FAM149A: variants seen among roughly 807,000 people sequenced by gnomAD.
FAM149A encodes the protein protein FAM149A.
A neutral mutation model predicts 78.2 loss-of-function variants in FAM149A; 71 were observed. That is an observed-to-expected ratio of 0.91 (90% confidence interval 0.75 to 1.11). The LOEUF is 1.11. Among genes scored for constraint, FAM149A ranks in the 50% least tolerant of loss-of-function variants. FAM149A has a pLI of 0.00. For synonymous variants in FAM149A, 446 were observed against 410.5 expected (o/e 1.09, Z -1.04); for missense variants, 1,036 against 971.0 (o/e 1.07, Z -0.89).
intron 8 of FAM149A, chr4:186,158,507 T>C: frequency 2.0e-6 from 2 of 1,009,402 alleles, no homozygotes; most frequent in Non-Finnish European, 2.4e-6. Flanking sequence ...CCTGAAGAGA[T>C]TGAGGTGGAA....
intron 8 of FAM149A, among the ~76,000 whole-genome samples, chr4:186,160,025 C>CCAA (rs1734414747): frequency 7.0e-6 from 1 of 143,278 alleles, no homozygotes. Context: ...CCCACACAAA[C>CCAA]ACACACCCCA....
intron 1 of FAM149A, chr4:186,125,406 A>C: frequency 1.1e-6 from 1 of 880,328 alleles, no homozygotes; most frequent in Non-Finnish European, 1.4e-6. Flanking sequence ...AAGCAGCCCT[A>C]GGCAGCCCCA....
intron 1 of FAM149A, chr4:186,131,823 A>G: frequency 5.5e-6 from 5 of 906,260 alleles, no homozygotes; most frequent in Non-Finnish European, 6.6e-6. Context: ...AATAATTGCT[A>G]ACCAAAAAGT....
chr4:186,125,537 C>T (rs998408925), intron 1 of FAM149A, among the ~76,000 whole-genome samples: 3 of 152,100 alleles, frequency 2.0e-5, no homozygotes, highest in African/African-American at 7.2e-5. Context: ...TAGCTCTATC[C>T]AAGCAGGGAT....
At chr4:186,109,094 G>A (rs888396674) in intron 1 of FAM149A, 32 of 652,338 alleles carry the variant, frequency 4.9e-5, no homozygotes, top group African/African-American at 1.2e-4. Context: ...TAATTTGCCC[G>A]CCTCGGCCTC....
chr4:186,143,653 C>T (rs1005749430), intron 1 of FAM149A, among the ~76,000 whole-genome samples: 6 of 152,100 alleles, frequency 3.9e-5, no homozygotes, highest in South Asian at 4.1e-4. Context: ...CCTCAGCCTC[C>T]TGAGTAGCTG....
chr4:186,109,610 A>G (rs2099310367), intron 1 of FAM149A: 4 of 985,010 alleles, frequency 4.1e-6, no homozygotes, highest in East Asian at 2.3e-4. Flanking sequence ...TACTTTCTGC[A>G]TAGAAGTGCT....
intron 1 of FAM149A, chr4:186,117,447 TAA>T (rs2099314210): frequency 1.0e-6 from 1 of 985,238 alleles, no homozygotes; most frequent in Admixed American, 6.2e-5. Context: ...AGCACACAGC[TAA>T]GAGAGAAGAG....
At chr4:186,108,155 G>A (rs1177920498) in intron 1 of FAM149A, among the ~76,000 whole-genome samples, 1 of 152,180 alleles carries the variant, frequency 6.6e-6, no homozygotes, top group African/African-American at 2.4e-5. Flanking sequence ...AGCCTGTGTG[G>A]TTAATATTAA....
intron 8 of FAM149A, chr4:186,158,078 G>GCA: frequency 7.4e-7 from 1 of 1,356,484 alleles, no homozygotes; most frequent in Non-Finnish European, 9.7e-7. Context: ...AGCTGCTGCT[G>GCA]GCAGCTCGTG....
Position 186,104,932 on chromosome 4 carries a change from C to T in FAM149A, c.-145C>T. 1.7e-6 allele frequency: 2 copies of T among 1,147,918 alleles called. No homozygotes were observed. Among genetic ancestry groups the T allele is most frequent in the Non-Finnish European group, 2.2e-6 (2 of 926,470 alleles). The allele number at this position is 1,147,918 out of a possible 1,614,324, so 71.1% of individuals were successfully genotyped here. On this transcript the variant is annotated 5_prime_UTR_variant, in exon 1 of 14. Transcript: ENST00000389354. ...CCCCAGCGGCGCGGAGCTGAGCGTC[C>T]TCGGGGAGGAGAGGGAGCCAGGGGC...
chr4:186,118,416 A>C (rs1166747891), intron 1 of FAM149A: 1 of 162,304 alleles, frequency 6.2e-6, no homozygotes, highest in Non-Finnish European at 1.3e-5. Context: ...CAGTTGGCAG[A>C]GGAGCTTTAT....
At chr4:186,128,978 GGT>G (rs373614745) in intron 1 of FAM149A, among the ~76,000 whole-genome samples, 7 of 151,418 alleles carry the variant, frequency 4.6e-5, no homozygotes, top group African/African-American at 1.5e-4. Flanking sequence ...TGTCTTTTTT[GGT>G]GTGTGTGTGT....
intron 8 of FAM149A, chr4:186,158,916 T>A: frequency 3.9e-6 from 2 of 516,946 alleles, no homozygotes; most frequent in Non-Finnish European, 5.0e-6. Context: ...AGTTTCTATT[T>A]AAAACAATGA....
At chr4:186,145,341 G>GT (rs1368291705) in intron 1 of FAM149A, among the ~76,000 whole-genome samples, 1 of 152,178 alleles carries the variant, frequency 6.6e-6, no homozygotes, top group East Asian at 1.9e-4. Flanking sequence ...TCAGGGCGGT[G>GT]TGAGTGTTCC....
chr4:186,174,208 A>AT lies in FAM149A; in HGVS notation c.*2226dup, dbSNP rs1216959991. ...GTATTAAGCCTAGTATCCATTAGTTATTTTTCCTGATCCTCTCCCTCCTTC... is the reference window on the plus strand; with the variant it reads ...GTATTAAGCCTAGTATCCATTAGTTATTTTTTCCTGATCCTCTCCCTCCTTC... On this transcript the variant is annotated 3_prime_UTR_variant, in exon 14 of 14. Transcript: ENST00000389354. Among the ~76,000 whole-genome samples the AT allele has an allele frequency of 9.4e-6, 1 of 106,278 alleles. No individual in the cohort carries two copies. The highest frequency in any genetic ancestry group is 2.3e-4 in the East Asian group (1 of 4,304). 69.7% of individuals were successfully genotyped at this position (106,278 alleles called of 152,430 possible). A position where few individuals can be genotyped will look rare whatever the true frequency, so the allele number is the denominator to read the frequency against.
In FAM149A at chr4:186,105,437, G is replaced by C; in HGVS notation, c.361G>C (p.Ala121Pro). The change falls in exon 1 of 14, where the codon GCT becomes CCT. Residue 121 changes from alanine to proline, a missense_variant. Ala to Pro is a conservative substitution (Grantham distance 27). This residue lies in a region of FAM149A where 316 missense variants were observed against 241.9 expected (regional missense o/e 1.31). Transcript: ENST00000389354. ...TCCCTCCGGCGGGGGCTGCTCCCCTGCTCGCCTGGTGGTCCCAGCGCGGCC... is the reference window on the plus strand; with the variant it reads ...TCCCTCCGGCGGGGGCTGCTCCCCTCCTCGCCTGGTGGTCCCAGCGCGGCC... 1 of 1,213,914 alleles carries C rather than the reference G, an allele frequency of 8.2e-7. No homozygotes were observed. The highest frequency in any genetic ancestry group is 1.0e-6 in the Non-Finnish European group (1 of 957,988). The allele number at this position is 1,213,914 out of a possible 1,614,324, so 75.2% of individuals were successfully genotyped here.
Position 186,105,642 on chromosome 4 carries a change from C to G in FAM149A, c.566C>G (p.Ala189Gly). The G allele has an allele frequency of 9.4e-7, 1 of 1,063,604 alleles. No homozygotes were observed. Among genetic ancestry groups the G allele is most frequent in the Non-Finnish European group, 1.1e-6 (1 of 874,476 alleles). The allele number at this position is 1,063,604 out of a possible 1,614,324, so 65.9% of individuals were successfully genotyped here. A position where few individuals can be genotyped will look rare whatever the true frequency, so the allele number is the denominator to read the frequency against. ...GACGGCGACTCCGGGGATGGCGAAG[C>G]GTGAGTAGCAGCGTGGTCCGGGCGC... Residue 189 changes from alanine to glycine, a missense_variant and splice_region_variant, in exon 1 of 14, where the codon GCA (alanine) becomes GGA (glycine). Ala to Gly is a moderately conservative substitution (Grantham distance 60). This residue lies in a region of FAM149A where 316 missense variants were observed against 241.9 expected (regional missense o/e 1.31). Transcript: ENST00000389354.
chr4:186,131,826 C>G (rs906399985), intron 1 of FAM149A: 1 of 929,468 alleles, frequency 1.1e-6, no homozygotes, highest in Admixed American at 6.2e-5. Context: ...AATTGCTAAC[C>G]AAAAAGTAAA....
Sources: allele counts gnomAD v4.1 joint callset (sites outside exome capture counted in the v4.1 genomes callset), GRCh38; gene constraint gnomAD v4.1.1; regional missense constraint gnomAD v4.1.1; transcripts MANE v1.5; gene names NCBI Gene and HGNC (gene_info 2026-07-23, HGNC 2026-07-21).